Variants in A2M observed in about 807,000 individuals in gnomAD.
A2M encodes the protein C3 and PZP-like alpha-2-macroglobulin domain-containing protein 5.
A neutral mutation model predicts 183.9 loss-of-function variants in A2M; 128 were observed. The observed-to-expected ratio is 0.70, with a 90% CI of 0.60 to 0.81. The LOEUF (loss-of-function observed/expected upper bound fraction) is 0.81. Among genes scored for constraint, A2M ranks in the 30% least tolerant of loss-of-function variants. The probability of loss-of-function intolerance (pLI) is 0.00; values close to 1 mark genes in which losing one functional copy is unlikely to be tolerated. For synonymous variants in A2M, 592 were observed against 670.8 expected (o/e 0.88, Z 1.81); for missense variants, 1,495 against 1,787.6 (o/e 0.84, Z 2.95).
chr12:9,070,308 AG>A, intron 32 of A2M, among the ~76,000 whole-genome samples, 179 bp downstream of exon 32: 1 of 152,376 alleles, frequency 6.6e-6, no homozygotes, highest in East Asian at 1.9e-4. Context: ...GTCCTAGCAC[AG>A]TGCTCTGCAC....
At chr12:9,110,184 G>T in intron 5 of A2M, 130 bp downstream of exon 5, 1 of 1,107,574 alleles carries the variant, frequency 9.0e-7, no homozygotes, top group Non-Finnish European at 1.3e-6. Context: ...TAGCCATCTA[G>T]CTCTATGGGA....
intron 22 of A2M, among the ~76,000 whole-genome samples, chr12:9,082,194 A>G (rs937203237): frequency 6.6e-5 from 10 of 152,240 alleles, no homozygotes; most frequent in Non-Finnish European, 8.8e-5. Flanking sequence ...ATCCTCTATT[A>G]TGCACATCTA....
At position 9,095,527 on chromosome 12, in the gene A2M, T is replaced by G; in HGVS notation, c.2013+12A>C. 1 of 1,606,704 alleles carries G rather than the reference T, an allele frequency of 6.2e-7. No individual in the cohort carries two copies. The highest frequency in any genetic ancestry group is 8.5e-7 in the Non-Finnish European group (1 of 1,174,732). On this transcript the variant is annotated intron_variant, in intron 16 of 35. Coordinates refer to ENST00000318602, the MANE Select transcript of A2M (RefSeq NM_000014.6). ...GCTTAAGATCAGACCATCTGCAACA[T>G]AAGGAGTTTACCTCTAGGAAGCTGT...
intron 10 of A2M, among the ~76,000 whole-genome samples, chr12:9,104,608 A>G (rs1938145100): frequency 1.3e-5 from 2 of 152,158 alleles, no homozygotes; most frequent in South Asian, 2.1e-4. Flanking sequence ...TATACATAAC[A>G]TACACTAATT....
chr12:9,093,381 A>G (rs1750748138), intron 18 of A2M, 84 bp downstream of exon 18: 1 of 889,346 alleles, frequency 1.1e-6, no homozygotes, highest in Non-Finnish European at 1.9e-6. Context: ...CATATAAAAC[A>G]ATAAAAACAG....
Position 9,105,726 on chromosome 12 carries a change from T to C in A2M, c.1104+510A>G, listed in dbSNP as rs770230893. ...TACCCCATGTTCACTGTTTTAGAAA[T>C]ATACTTGTTATAGAAAAATAGTGTA... is the stretch of plus-strand genomic sequence containing the variant. On this transcript the variant is annotated intron_variant, in intron 10 of 35. Coordinates refer to ENST00000318602, the MANE Select transcript of A2M (RefSeq NM_000014.6). Among the ~76,000 whole-genome samples the C allele has an allele frequency of 4.6e-5, 7 of 152,326 alleles. No individual in the cohort carries two copies. The South Asian group carries it at 1.4e-3, about 32-fold the overall frequency.
At chr12:9,077,488 T>G (rs747342120) in intron 26 of A2M, 68 bp from the exon 27 acceptor site, 133 of 1,509,678 alleles carry the variant, frequency 8.8e-5, no homozygotes, top group Non-Finnish European at 1.1e-4. Flanking sequence ...TTCTTTCTAT[T>G]CTGCTGTGTC....
chr12:9,092,788 G>A (rs1949251747), intron 18 of A2M, among the ~76,000 whole-genome samples: 1 of 152,186 alleles, frequency 6.6e-6, no homozygotes, highest in African/African-American at 2.4e-5. Context: ...AATGAAATAA[G>A]CACCTTGTAG....
chr12:9,112,086 C>T, intron 4 of A2M, 73 bp downstream of exon 4: 2 of 1,434,930 alleles, frequency 1.4e-6, no homozygotes, highest in Non-Finnish European at 9.8e-7. Flanking sequence ...CCCTGGTCTT[C>T]CCTCAGCACA....
At chr12:9,077,298 C>T in intron 27 of A2M, 48 bp downstream of exon 27, 1 of 1,531,998 alleles carries the variant, frequency 6.5e-7, no homozygotes, top group East Asian at 2.3e-5. Context: ...TCAGCAGTTT[C>T]ATTGCATCCA....
chr12:9,073,335 A>C (rs1165505930), intron 29 of A2M, among the ~76,000 whole-genome samples: 2 of 152,218 alleles, frequency 1.3e-5, no homozygotes, highest in Admixed American at 6.5e-5. Context: ...CCATGAGCAG[A>C]GTCATGCTTC....
rs1343592443 is a variant in A2M at position 9,069,806 on chromosome 12, C to T, written c.4202G>A (p.Arg1401Lys). 1 of 1,613,440 alleles carries T rather than the reference C, an allele frequency of 6.2e-7. No homozygotes were observed. ...PLKPTVKMLE[R>K]SNHVSRTEVS... The stretch of plus-strand genomic sequence containing the variant: ...TTCTGTCCGGCTCACATGGTTAGAT[C>T]TTTCAAGCTGAAGAAAATTGAAATA... The change falls in exon 33 of 36, where the codon AGA becomes AAA. Residue 1401 changes from arginine (R) to lysine (K), a missense_variant. Transcript: ENST00000318602.
At position 9,067,793 on chromosome 12, in the gene A2M, C is replaced by A. The variant is rs375287854; in HGVS notation, c.*30G>T. ...TCTGTGGAGCTCTGAGAACAGGACT[C>A]CAGCAAAGCACTTTTCAGCCTTGTG... On this transcript the variant is annotated 3_prime_UTR_variant, in exon 36 of 36. Coordinates refer to ENST00000318602, the MANE Select transcript of A2M (RefSeq NM_000014.6). The A allele has an allele frequency of 2.4e-4, 385 of 1,611,260 alleles. 1 individual carries two copies. The African/African-American group carries it at 4.3e-3, about 18-fold the overall frequency.
chr12:9,079,526 GC>G, intron 24 of A2M, 112 bp downstream of exon 24: 1 of 1,110,738 alleles, frequency 9.0e-7, no homozygotes, highest in Non-Finnish European at 1.3e-6. Context: ...TATCATAGCA[GC>G]TATCATAGTG....
chr12:9,112,114 C>A lies in A2M; in HGVS notation c.483+45G>T, dbSNP rs115360875. On this transcript the variant is annotated intron_variant, in intron 4 of 35. Transcript: ENST00000318602. ...TCAGCACAAAAAACAGGTTCCCAGC[C>A]TGTTTATACAGACAATCATTTTATG... 568 of 1,598,272 alleles carry A rather than the reference C, an allele frequency of 3.6e-4. 1 individual carries two copies. In the African/African-American group the frequency reaches 6.2e-3, roughly 17 times the overall value.
rs771546561 is a variant in A2M, at chr12:9,095,523, A to C, written c.2013+16T>G. The stretch of plus-strand genomic sequence containing the variant: ...AGAAGCTTAAGATCAGACCATCTGC[A>C]ACATAAGGAGTTTACCTCTAGGAAG... On this transcript the variant is annotated intron_variant, in intron 16 of 35. Coordinates refer to ENST00000318602, the MANE Select transcript of A2M (RefSeq NM_000014.6). 6.9e-6 allele frequency: 11 copies of C among 1,604,976 alleles called. No individual in the cohort carries two copies. The highest frequency in any genetic ancestry group is 9.4e-6 in the Non-Finnish European group (11 of 1,173,676).
Position 9,081,251 on chromosome 12 carries a change from G to T in A2M, c.2771-1074C>A, listed in dbSNP as rs183003629. ...AAAATAAGGTCATCCTTGTAATTAA[G>T]AAAATATAAATTAAAACAACAGCAA... On this transcript the variant is annotated intron_variant, in intron 22 of 35. Transcript: ENST00000318602. 1.7e-3 allele frequency among the ~76,000 whole-genome samples: 255 copies of T among 152,192 alleles called. 1 individual carries two copies. The highest frequency in any genetic ancestry group is 2.6e-3 in the Non-Finnish European group (177 of 67,970).
chr12:9,092,317 G>T (rs1253817316), intron 18 of A2M, among the ~76,000 whole-genome samples: 1 of 152,172 alleles, frequency 6.6e-6, no homozygotes, highest in Non-Finnish European at 1.5e-5. Context: ...AGCTCCAGGA[G>T]TAGATGGAGC....
chr12:9,093,543 A>C lies in A2M; in HGVS notation c.2162T>G (p.Val721Gly), dbSNP rs770748467. Residue 721 changes from valine (V) to glycine (G), a missense_variant, in exon 18 of 36, where the codon GTG becomes GGG. Transcript: ENST00000318602. ...CTCCGTGTGAGGCTCTTCAACATGC[A>C]CCAGGCGTGCATGGCCTCTTCCCAT... ...DVMGRGHARL[V>G]HVEEPHTETV... The C allele has an allele frequency of 1.9e-6, 3 of 1,612,338 alleles. No individual in the cohort carries two copies. The highest frequency in any genetic ancestry group is 1.3e-5 in the African/African-American group (1 of 74,694).
Sources: allele counts gnomAD v4.1 joint callset (sites outside exome capture counted in the v4.1 genomes callset), GRCh38; gene constraint gnomAD v4.1.1; transcripts MANE v1.5; gene names NCBI Gene and HGNC (gene_info 2026-07-23, HGNC 2026-07-21).